Variants in ST3GAL4 observed in about 807,000 individuals in gnomAD.
ST3GAL4 encodes the protein CMP-N-acetylneuraminate-beta-galactosamide-alpha-2,3-sialyltransferase 4.
A neutral mutation model predicts 42.6 loss-of-function variants in ST3GAL4; 24 were observed. The ratio of observed to expected loss-of-function variants is 0.56; its 90% CI spans 0.41 to 0.79. ST3GAL4 has a LOEUF of 0.79. Among genes scored for constraint, ST3GAL4 ranks in the 30% least tolerant of loss-of-function variants. The pLI is 0.00. For synonymous variants in ST3GAL4, 135 were observed against 163.2 expected, an observed-to-expected ratio of 0.83 and a Z score of 1.32; for missense variants, 311 against 430.8, an observed-to-expected ratio of 0.72 and a Z score of 2.46.
intron 1 of ST3GAL4, among the ~76,000 whole-genome samples, chr11:126,390,618 C>CTTTTTTTTTTTTTTTTTTTTTTTTTTTTT (rs58153137): frequency 2.4e-5 from 3 of 126,664 alleles, no homozygotes; most frequent in Non-Finnish European, 3.2e-5. Context: ...GTGTTCTTTG[C>CTTTTTTTTTTTTTTTTTTTTTTTTTTTTT]TTTTTTTTTT....
chr11:126,362,853 C>A (rs537564795), intron 1 of ST3GAL4, among the ~76,000 whole-genome samples: 1 of 152,308 alleles, frequency 6.6e-6, no homozygotes, highest in South Asian at 2.1e-4. Context: ...CAGAGGTTGG[C>A]TGTCATATTG....
At chr11:126,387,393 G>A (rs1162540093) in intron 1 of ST3GAL4, among the ~76,000 whole-genome samples, 1 of 152,038 alleles carries the variant, frequency 6.6e-6, no homozygotes, top group African/African-American at 2.4e-5. Context: ...AAAAAGGTAA[G>A]CAGGCCAGGT....
intron 8 of ST3GAL4, chr11:126,408,757 C>G: frequency 3.8e-6 from 2 of 532,100 alleles, no homozygotes; most frequent in Non-Finnish European, 6.7e-6. Context: ...GTGTCTGTGA[C>G]AGGAAAGCTT....
chr11:126,407,685 C>T (rs767553207), intron 6 of ST3GAL4, 51 bp downstream of exon 6: 3 of 1,584,618 alleles, frequency 1.9e-6, no homozygotes, highest in Admixed American at 3.3e-5. Flanking sequence ...ATTTCCTGCC[C>T]CCTGCCCGCT....
chr11:126,384,647 C>T lies in ST3GAL4; in HGVS notation c.-60-21449C>T, dbSNP rs1953145314. Reference sequence around the variant, plus strand: ...CTGGCACCAACTCCAGGATGTGCTACACCCAGACAGACAGATGGAGAGCCA... The same window carrying T: ...CTGGCACCAACTCCAGGATGTGCTATACCCAGACAGACAGATGGAGAGCCA... On this transcript the variant is annotated intron_variant, in intron 1 of 10. Transcript: ENST00000444328. The surrounding 1 kb of genome is among the most constrained non-coding windows in gnomAD (Gnocchi z 5.5). 1 of 982,854 alleles carries T rather than the reference C, an allele frequency of 1.0e-6. No homozygotes were observed. The highest frequency in any genetic ancestry group is 1.7e-5 in the African/African-American group (1 of 57,160). 60.9% of individuals were successfully genotyped at this position (982,854 alleles called of 1,614,324 possible). A position where few individuals can be genotyped will look rare whatever the true frequency, so the allele number is the denominator to read the frequency against.
chr11:126,390,288 A>T (rs532053980), intron 1 of ST3GAL4, among the ~76,000 whole-genome samples: 1 of 150,958 alleles, frequency 6.6e-6, no homozygotes, highest in South Asian at 2.1e-4. Context: ...AGCACAGTGT[A>T]TATAGCCATG....
intron 1 of ST3GAL4, among the ~76,000 whole-genome samples, chr11:126,362,360 C>A (rs560563636): frequency 2.6e-5 from 4 of 151,644 alleles, no homozygotes; most frequent in Non-Finnish European, 2.9e-5. Flanking sequence ...CCATCACACC[C>A]GGCTAATTTT....
rs1188441102 is a variant in ST3GAL4, at chr11:126,396,582, T to C, written c.-60-9514T>C. 6.6e-6 allele frequency among the ~76,000 whole-genome samples: 1 copy of C among 151,838 alleles called. No homozygotes were observed. The highest frequency in any genetic ancestry group is 1.5e-5 in the Non-Finnish European group (1 of 68,012). On this transcript the variant is annotated intron_variant, in intron 1 of 10. Coordinates refer to ENST00000444328, the MANE Select transcript of ST3GAL4 (RefSeq NM_001254757.2). This position sits in a 1 kb window ranked among gnomAD's most constrained non-coding sequence, Gnocchi z 5.8. Reference sequence around the variant, plus strand: ...GCTGAGAAGGGGCTCGACAGGCTCTTCGTCACTGTGCGGAGCCTTCGAAGG... The same window carrying C: ...GCTGAGAAGGGGCTCGACAGGCTCTCCGTCACTGTGCGGAGCCTTCGAAGG...
rs532114347 is a variant in ST3GAL4 at position 126,403,313 on chromosome 11, G to A, written c.-60-2783G>A. On this transcript the variant is annotated intron_variant, in intron 1 of 10. Transcript: ENST00000444328. ...AGGTCGAAGAAGGGCTAATTGTCTTGTTGTTCAAGACTGGTTAGCGCTGCT... is the reference window on the plus strand; with the variant it reads ...AGGTCGAAGAAGGGCTAATTGTCTTATTGTTCAAGACTGGTTAGCGCTGCT... 22 of 889,886 alleles carry A rather than the reference G, an allele frequency of 2.5e-5. 1 individual carries two copies. The Admixed American group carries it at 1.1e-3, about 45-fold the overall frequency. The allele number at this position is 889,886 out of a possible 1,614,324, so 55.1% of individuals were successfully genotyped here.
chr11:126,401,343 G>A (rs1050833693), intron 1 of ST3GAL4, among the ~76,000 whole-genome samples: 2 of 151,730 alleles, frequency 1.3e-5, no homozygotes, highest in African/African-American at 4.8e-5. Context: ...TGAGGTGGGC[G>A]GATCGCTTGA....
Position 126,393,983 on chromosome 11 carries a change from C to G in ST3GAL4, c.-60-12113C>G, listed in dbSNP as rs1402616490. Among the ~76,000 whole-genome samples the G allele has an allele frequency of 2.6e-5, 4 of 152,094 alleles. No individual in the cohort carries two copies. Among genetic ancestry groups the G allele is most frequent in the African/African-American group, 9.7e-5 (4 of 41,408 alleles). On this transcript the variant is annotated intron_variant, in intron 1 of 10. Coordinates refer to ENST00000444328, the MANE Select transcript of ST3GAL4 (RefSeq NM_001254757.2). The surrounding 1 kb of genome is among the most constrained non-coding windows in gnomAD (Gnocchi z 5.9). The stretch of plus-strand genomic sequence containing the variant: ...TCTTTGAAATCCGGTGTGTATTTTC[C>G]ACTTAAAGCACATGTCAGTGTGGAC...
chr11:126,395,794 G>A (rs1182742765), intron 1 of ST3GAL4, among the ~76,000 whole-genome samples: 1 of 152,162 alleles, frequency 6.6e-6, no homozygotes, highest in Non-Finnish European at 1.5e-5. Flanking sequence ...GGAACTGTGA[G>A]TCCATTAAAC....
In ST3GAL4 at chr11:126,411,971, G is replaced by A. The variant is rs1459646284; in HGVS notation, c.772-1534G>A. Among the ~76,000 whole-genome samples the A allele has an allele frequency of 6.6e-6, 1 of 152,134 alleles. No homozygotes were observed. The highest frequency in any genetic ancestry group is 1.5e-5 in the Non-Finnish European group (1 of 68,036). ...CATCATATTCACGGGCTCCCCACAC[G>A]CGCAAGGGAGGAGATTACATGAGGG... On this transcript the variant is annotated intron_variant, in intron 9 of 10. Transcript: ENST00000444328. This position sits in a 1 kb window ranked among gnomAD's most constrained non-coding sequence, Gnocchi z 6.3.
chr11:126,390,123 A>G (rs1953430652), intron 1 of ST3GAL4, among the ~76,000 whole-genome samples: 2 of 148,728 alleles, frequency 1.3e-5, no homozygotes, highest in Admixed American at 6.7e-5. Flanking sequence ...GCAGAGCTGC[A>G]GTGAGCTGAG....
At position 126,408,831 on chromosome 11, in the gene ST3GAL4, G is replaced by C; in HGVS notation, c.627+335G>C. ...AGCAACCCTCCAGCAGCCATCTCCA[G>C]GCTGAGGGCAGGTTAGAGCAATGAG... On this transcript the variant is annotated intron_variant, in intron 8 of 10. Transcript: ENST00000444328. The C allele has an allele frequency of 9.1e-6, 4 of 438,204 alleles. No homozygotes were observed. In the East Asian group the frequency reaches 1.5e-4, roughly 17 times the overall value. The allele number at this position is 438,204 out of a possible 1,614,324, so 27.1% of individuals were successfully genotyped here. A position where few individuals can be genotyped will look rare whatever the true frequency, so the allele number is the denominator to read the frequency against.
chr11:126,367,300 A>G (rs1447609102), intron 1 of ST3GAL4, among the ~76,000 whole-genome samples: 1 of 152,140 alleles, frequency 6.6e-6, no homozygotes, highest in African/African-American at 2.4e-5. Context: ...AGGCTGGGCC[A>G]TGGGTGAATC....
Position 126,407,373 on chromosome 11 carries a change from G to GAACC in ST3GAL4, c.280+26_280+29dup, listed in dbSNP as rs755995895. 8.1e-6 allele frequency: 13 copies of GAACC among 1,610,296 alleles called. No individual in the cohort carries two copies. The African/African-American group carries it at 1.6e-4, about 20-fold the overall frequency. ...TGGTAAGTTCCTACCCGGCTCGTGG[G>GAACC]AACCATGGGCTCACCCTGACCACGT... On this transcript the variant is annotated intron_variant, in intron 5 of 10. Coordinates refer to ENST00000444328, the MANE Select transcript of ST3GAL4 (RefSeq NM_001254757.2).
At chr11:126,374,807 C>A (rs183586252) in intron 1 of ST3GAL4, among the ~76,000 whole-genome samples, 4 of 152,076 alleles carry the variant, frequency 2.6e-5, no homozygotes, top group African/African-American at 9.7e-5. Flanking sequence ...TTGCAATTAG[C>A]GGACCGTCTG....
intron 1 of ST3GAL4, chr11:126,358,433 C>T: frequency 2.2e-6 from 1 of 453,686 alleles, no homozygotes. Context: ...GTATGAGTGT[C>T]CTGAGTGGCC....
Sources: gnomAD v4.1 joint callset for allele counts (sites outside exome capture counted in the v4.1 genomes callset) on GRCh38, gnomAD v4.1.1 for gene constraint, Gnocchi (gnomAD v3.1) non-coding constraint, MANE v1.5 for transcripts, NCBI Gene and HGNC (gene_info 2026-07-23, HGNC 2026-07-21) for gene names.